The following FHIT variants were observed in gnomAD, a reference collection of about 807,000 sequenced individuals.
FHIT encodes the protein bis(5'-adenosyl)-triphosphatase.
Under a neutral mutation model 17.9 loss-of-function variants are expected in FHIT, and 19 were observed. That is an observed-to-expected ratio of 1.06 (90% CI 0.74 to 1.56). The LOEUF (loss-of-function observed/expected upper bound fraction) is 1.56, where lower values mean the gene tolerates loss of function less well. Among genes scored for constraint, FHIT ranks in the 40% most tolerant of loss-of-function variants. FHIT has a pLI of 0.00. For missense variants in FHIT, 248 were observed against 189.2 expected, an observed-to-expected ratio of 1.31 and a Z score of -1.82; for synonymous variants, 81 against 69.7, an observed-to-expected ratio of 1.16 and a Z score of -0.81.
Position 60,250,012 on chromosome 3 carries a change from T to C in FHIT, c.104-235860A>G, listed in dbSNP as rs951772736. Among the ~76,000 whole-genome samples the C allele has an allele frequency of 2.1e-4, 32 of 152,258 alleles. No individual in the cohort carries two copies. The Middle Eastern group carries it at 0.014, about 65-fold the overall frequency. The stretch of plus-strand genomic sequence containing the variant: ...CAGTATGGGGAAACTGCCCCCACGA[T>C]TTAATTATCTCCACCTGTCCCTGCT... On this transcript the variant is annotated intron_variant, in intron 5 of 9. Coordinates refer to ENST00000492590, the MANE Select transcript of FHIT (RefSeq NM_002012.4).
intron 4 of FHIT, among the ~76,000 whole-genome samples, chr3:60,610,328 TATTA>T (rs2038746669): frequency 6.6e-6 from 1 of 152,210 alleles, no homozygotes. Flanking sequence ...ACATTGTTTC[TATTA>T]ATTAATGATA....
chr3:60,425,407 C>T (rs1016158468), intron 5 of FHIT, among the ~76,000 whole-genome samples: 1 of 152,162 alleles, frequency 6.6e-6, no homozygotes, highest in Admixed American at 6.5e-5. Context: ...ATGATTCTCT[C>T]CCACCCTGGG....
At chr3:61,062,221 TC>T (rs1056750099) in intron 2 of FHIT, among the ~76,000 whole-genome samples, 12 of 152,132 alleles carry the variant, frequency 7.9e-5, no homozygotes, top group African/African-American at 2.7e-4. Context: ...CAACAGGGTA[TC>T]CCCCTGATTT....
intron 5 of FHIT, among the ~76,000 whole-genome samples, chr3:60,280,110 C>T (rs1039891716): frequency 6.6e-6 from 1 of 151,196 alleles, no homozygotes; most frequent in Non-Finnish European, 1.5e-5. Context: ...TATCAACTGG[C>T]CAGAGAAGAA....
chr3:60,050,840 G>C (rs529640144), intron 5 of FHIT, among the ~76,000 whole-genome samples: 3 of 152,136 alleles, frequency 2.0e-5, no homozygotes, highest in African/African-American at 4.8e-5. Context: ...CTTAGCAAGT[G>C]ATATTCCAGA....
chr3:60,756,214 T>G (rs905710556), intron 4 of FHIT, among the ~76,000 whole-genome samples: 1 of 152,226 alleles, frequency 6.6e-6, no homozygotes, highest in Non-Finnish European at 1.5e-5. Flanking sequence ...GGCTTGGGCT[T>G]CTTCTATCAA....
At chr3:60,479,353 G>A (rs2033497178) in intron 5 of FHIT, among the ~76,000 whole-genome samples, 1 of 151,382 alleles carries the variant, frequency 6.6e-6, no homozygotes. Context: ...GTTGGGGAGG[G>A]AGAGGAAGGG....
intron 8 of FHIT, among the ~76,000 whole-genome samples, chr3:59,903,020 C>T (rs186542123): frequency 4.1e-4 from 62 of 152,230 alleles, no homozygotes; most frequent in African/African-American, 1.4e-3. Flanking sequence ...GTAACCATAT[C>T]ACAATGTATA....
At chr3:60,034,218 C>T (rs917332977) in intron 5 of FHIT, among the ~76,000 whole-genome samples, 1 of 152,190 alleles carries the variant, frequency 6.6e-6, no homozygotes, top group Non-Finnish European at 1.5e-5. Flanking sequence ...TTGCTAGTTG[C>T]CCTTTAACAT....
chr3:59,756,061 G>T (rs2106755001), intron 8 of FHIT, among the ~76,000 whole-genome samples: 1 of 152,250 alleles, frequency 6.6e-6, no homozygotes, highest in Non-Finnish European at 1.5e-5. Flanking sequence ...ATTCCCTGCT[G>T]CTGCTACTAC....
At chr3:60,446,558 CT>C (rs916864828) in intron 5 of FHIT, among the ~76,000 whole-genome samples, 80 of 152,084 alleles carry the variant, frequency 5.3e-4, no homozygotes, top group African/African-American at 1.9e-3. Context: ...AACCTCAGCC[CT>C]AGGAGACTAT....
chr3:60,453,299 A>G (rs1229805151), intron 5 of FHIT, among the ~76,000 whole-genome samples: 2 of 152,074 alleles, frequency 1.3e-5, no homozygotes, highest in African/African-American at 2.4e-5. Context: ...CTGGGGACAC[A>G]GAAGGATGGT....
At chr3:60,871,702 T>A (rs930351355) in intron 3 of FHIT, among the ~76,000 whole-genome samples, 4 of 152,152 alleles carry the variant, frequency 2.6e-5, no homozygotes, top group Admixed American at 6.6e-5. Context: ...GGCACAATCA[T>A]GGCTCAATGT....
At chr3:61,198,635 G>C (rs1576195546) in intron 2 of FHIT, among the ~76,000 whole-genome samples, 1 of 152,190 alleles carries the variant, frequency 6.6e-6, no homozygotes, top group African/African-American at 2.4e-5. Context: ...ACTAGTAATT[G>C]ATGACAACCA....
At chr3:60,359,167 G>C (rs1699792879) in intron 5 of FHIT, among the ~76,000 whole-genome samples, 1 of 151,420 alleles carries the variant, frequency 6.6e-6, no homozygotes, top group Non-Finnish European at 1.5e-5. Context: ...ACACAGCAGA[G>C]ATTTTCCACA....
intron 5 of FHIT, among the ~76,000 whole-genome samples, chr3:60,265,149 T>C (rs1005865463): frequency 3.3e-5 from 5 of 151,992 alleles, no homozygotes; most frequent in Admixed American, 2.6e-4. Context: ...GGTTGAAGCA[T>C]ATCTATTAAA....
intron 8 of FHIT, among the ~76,000 whole-genome samples, chr3:59,853,225 T>TGTG (rs776863670): frequency 6.6e-6 from 1 of 152,174 alleles, no homozygotes; most frequent in African/African-American, 2.4e-5. Context: ...CTAATAAGTG[T>TGTG]GTGGTGGTAT....
At chr3:60,498,184 A>T (rs1056923436) in intron 5 of FHIT, among the ~76,000 whole-genome samples, 1 of 152,230 alleles carries the variant, frequency 6.6e-6, no homozygotes, top group Non-Finnish European at 1.5e-5. Context: ...CAACCAGTTT[A>T]AATACTATTT....
chr3:61,196,428 T>A (rs1020552240), intron 2 of FHIT, among the ~76,000 whole-genome samples: 1 of 149,760 alleles, frequency 6.7e-6, no homozygotes. Context: ...AACTTGCTTT[T>A]AAAAAAAAAA....
Sources: allele counts gnomAD v4.1 joint callset (sites outside exome capture counted in the v4.1 genomes callset), GRCh38; gene constraint gnomAD v4.1.1; transcripts MANE v1.5; gene names NCBI Gene and HGNC (gene_info 2026-07-23, HGNC 2026-07-21).